The following KCNC2 variants were observed in gnomAD, a reference collection of about 807,000 sequenced individuals.
The protein encoded by KCNC2 is voltage-gated potassium channel KCNC2.
A neutral mutation model predicts 44.5 loss-of-function variants in KCNC2; 21 were observed. The ratio of observed to expected loss-of-function variants is 0.47; its 90% CI spans 0.33 to 0.68. The LOEUF (loss-of-function observed/expected upper bound fraction) is 0.68. KCNC2 is among the 30% of genes least tolerant of loss of function. KCNC2 has a pLI of 0.01. For synonymous variants in KCNC2, 391 were observed against 339.1 expected (o/e 1.15, Z -1.68); for missense variants, 589 against 826.2 (o/e 0.71, Z 3.52).
intron 2 of KCNC2, among the ~76,000 whole-genome samples, chr12:75,196,393 A>G (rs1001266799): frequency 6.6e-6 from 1 of 152,118 alleles, no homozygotes; most frequent in African/African-American, 2.4e-5. Flanking sequence ...CATTCTAAAC[A>G]CCAGAAAGGC....
chr12:75,178,248 C>T (rs965666986), intron 2 of KCNC2, among the ~76,000 whole-genome samples: 7 of 151,988 alleles, frequency 4.6e-5, no homozygotes, highest in Non-Finnish European at 8.8e-5. Flanking sequence ...TACAATTCCA[C>T]TGTACCAAAG....
rs757040866 is a variant in KCNC2 at position 75,050,538 on chromosome 12, A to G, written c.1467T>C (p.Leu489=). The G allele has an allele frequency of 8.7e-6, 14 of 1,613,412 alleles. No homozygotes were observed. In the South Asian group the frequency reaches 1.1e-4, roughly 13 times the overall value. The change falls in exon 3 of 5, where the codon CTT becomes CTC. Residue 489 remains leucine (L), a synonymous_variant. Transcript: ENST00000549446. The part of the protein sequence containing the change: ...YYSLAMAKQK[L]PRKRKKHIPP... ...GGATGTGCTTCTTTCTTTTCCTTGG[A>G]AGTTTCTGCTTTGCCATTGCCAAGG...
chr12:75,182,199 G>A (rs1047219366), intron 2 of KCNC2, among the ~76,000 whole-genome samples: 1 of 151,666 alleles, frequency 6.6e-6, no homozygotes, highest in Non-Finnish European at 1.5e-5. Flanking sequence ...AAGGTAATAT[G>A]TATAAAGTGC....
In KCNC2 at chr12:75,207,679, A is replaced by G; in HGVS notation, c.305T>C (p.Phe102Ser). 1 of 1,606,576 alleles carries G rather than the reference A, an allele frequency of 6.2e-7. No individual in the cohort carries two copies. ...GACGCCCGGGTGCCGGTCGAAGAAG[A>G]ACTCGCGGCCGCCACCGGGATGGTC... The part of the protein sequence containing the change: ...ASDHPGGGRE[F>S]FFDRHPGVFA... The change falls in exon 2 of 5, where the codon TTC (phenylalanine) becomes TCC (serine). Residue 102 changes from phenylalanine to serine, a missense_variant. Phe to Ser is a radical substitution (Grantham distance 155, BLOSUM62 -2). Coordinates refer to ENST00000549446, the MANE Select transcript of KCNC2 (RefSeq NM_139137.4). This position sits in a 1 kb window ranked among gnomAD's most constrained non-coding sequence, Gnocchi z 4.1.
At chr12:75,069,653 G>T (rs866538028) in intron 2 of KCNC2, among the ~76,000 whole-genome samples, 10 of 152,072 alleles carry the variant, frequency 6.6e-5, no homozygotes, top group Admixed American at 3.3e-4. Context: ...TACCTTAAAA[G>T]AAGGAAAGAA....
chr12:75,177,548 G>A (rs1481152770), intron 2 of KCNC2, among the ~76,000 whole-genome samples: 1 of 151,872 alleles, frequency 6.6e-6, no homozygotes, highest in South Asian at 2.1e-4. Context: ...TAACCTATCG[G>A]CTCAGCTAGG....
intron 2 of KCNC2, among the ~76,000 whole-genome samples, chr12:75,186,368 G>A (rs2137678784): frequency 6.6e-6 from 1 of 151,784 alleles, no homozygotes; most frequent in South Asian, 2.1e-4. Flanking sequence ...CCCTCTAACA[G>A]GAACAAATTT....
chr12:75,167,014 A>G (rs1481526700), intron 2 of KCNC2, among the ~76,000 whole-genome samples: 1 of 151,256 alleles, frequency 6.6e-6, no homozygotes, highest in Non-Finnish European at 1.5e-5. Flanking sequence ...TTTTCAAAAG[A>G]TTAACAAAAC....
chr12:75,196,306 A>G (rs1249043868), intron 2 of KCNC2, among the ~76,000 whole-genome samples: 1 of 152,136 alleles, frequency 6.6e-6, no homozygotes, highest in Non-Finnish European at 1.5e-5. Context: ...TGAAATAATT[A>G]CTTCTACAAC....
intron 2 of KCNC2, among the ~76,000 whole-genome samples, chr12:75,173,933 G>A (rs997621657): frequency 8.6e-5 from 13 of 151,560 alleles, no homozygotes; most frequent in African/African-American, 2.9e-4. Flanking sequence ...CTTTTCACTG[G>A]CCATCAAGGT....
chr12:75,118,834 A>G (rs1220169089), intron 2 of KCNC2, among the ~76,000 whole-genome samples: 1 of 152,206 alleles, frequency 6.6e-6, no homozygotes, highest in Admixed American at 6.5e-5. Flanking sequence ...CCTTTCTACC[A>G]CTGTAAGAGA....
intron 2 of KCNC2, among the ~76,000 whole-genome samples, chr12:75,193,811 C>A (rs1229773512): frequency 3.3e-5 from 5 of 152,092 alleles, no homozygotes; most frequent in Admixed American, 6.6e-5. Flanking sequence ...ATCCTGCCAA[C>A]CTACCCACAA....
chr12:75,183,264 C>G (rs1892723625), intron 2 of KCNC2, among the ~76,000 whole-genome samples: 2 of 152,166 alleles, frequency 1.3e-5, no homozygotes, highest in East Asian at 1.9e-4. Flanking sequence ...CAAATATTCT[C>G]CACAAAGAGA....
intron 2 of KCNC2, among the ~76,000 whole-genome samples, chr12:75,052,784 A>T (rs916544580): frequency 6.6e-6 from 1 of 152,106 alleles, no homozygotes; most frequent in African/African-American, 2.4e-5. Context: ...AAAGGACTAA[A>T]ATATCTTAGG....
At position 75,082,016 on chromosome 12, in the gene KCNC2, A is replaced by G. The variant is rs1362943684; in HGVS notation, c.688-30699T>C. 5.3e-5 allele frequency among the ~76,000 whole-genome samples: 8 copies of G among 152,124 alleles called. No individual in the cohort carries two copies. The East Asian group carries it at 5.8e-4, about 11-fold the overall frequency. ...ATCTCTTGAGAAACAATTTCTGTCT[A>G]AGCTTGAACAAGTTGCCTTTCTGCT... On this transcript the variant is annotated intron_variant, in intron 2 of 4. Transcript: ENST00000549446.
chr12:75,040,942 A>C lies in KCNC2; in HGVS notation c.*2163T>G. The C allele has an allele frequency of 1.6e-6, 1 of 612,198 alleles. No homozygotes were observed. The highest frequency in any genetic ancestry group is 2.9e-6 in the Non-Finnish European group (1 of 343,472). The allele number at this position is 612,198 out of a possible 1,614,324, so 37.9% of individuals were successfully genotyped here. A position where few individuals can be genotyped will look rare whatever the true frequency, so the allele number is the denominator to read the frequency against. On this transcript the variant is annotated 3_prime_UTR_variant, in exon 5 of 5. Transcript: ENST00000549446. ...GCCAAGACTGTTGACCCATGCACAC[A>C]TGTTGGTATTTACAGTTGTTTCATG...
chr12:75,208,157 C>T lies in KCNC2; in HGVS notation c.-19-155G>A, dbSNP rs547871065. 3.3e-5 allele frequency among the ~76,000 whole-genome samples: 5 copies of T among 152,106 alleles called. No individual in the cohort carries two copies. The East Asian group carries it at 7.8e-4, about 24-fold the overall frequency. ...CCCGGGAGGGGATCAGCGTCCAGCG[C>T]TGTCCCCGCCTCTTGCATCAAACCT... is the stretch of plus-strand genomic sequence containing the variant. On this transcript the variant is annotated intron_variant, in intron 1 of 4. Coordinates refer to ENST00000549446, the MANE Select transcript of KCNC2 (RefSeq NM_139137.4).
intron 2 of KCNC2, among the ~76,000 whole-genome samples, chr12:75,155,628 G>A (rs1467830058): frequency 6.6e-6 from 1 of 151,556 alleles, no homozygotes; most frequent in Non-Finnish European, 1.5e-5. Context: ...TACTACATTT[G>A]CCCACTGATA....
intron 2 of KCNC2, among the ~76,000 whole-genome samples, chr12:75,078,556 G>A (rs977036866): frequency 6.6e-6 from 1 of 152,100 alleles, no homozygotes; most frequent in African/African-American, 2.4e-5. Flanking sequence ...AAATAGTACT[G>A]TTCTAAGCTG....
Sources: allele counts gnomAD v4.1 joint callset (sites outside exome capture counted in the v4.1 genomes callset), GRCh38; gene constraint gnomAD v4.1.1; non-coding constraint Gnocchi (gnomAD v3.1); transcripts MANE v1.5; gene names NCBI Gene and HGNC (gene_info 2026-07-23, HGNC 2026-07-21).